The following SGCZ variants were observed in gnomAD, a reference collection of about 807,000 sequenced individuals.
The protein encoded by SGCZ is zeta-sarcoglycan.
SGCZ carries 40 observed loss-of-function variants against 41.3 expected under a neutral mutation model. The ratio of observed to expected loss-of-function variants is 0.97; its 90% CI spans 0.75 to 1.26. The LOEUF is 1.26. Among genes scored for constraint, SGCZ ranks in the 50% most tolerant of loss-of-function variants. The probability of loss-of-function intolerance (pLI) is 0.00; values close to 1 mark genes in which losing one functional copy is unlikely to be tolerated. For missense variants in SGCZ, 552 were observed against 369.8 expected, an observed-to-expected ratio of 1.49 and a Z score of -4.04; for synonymous variants, 206 against 137.5, an observed-to-expected ratio of 1.50 and a Z score of -3.49.
chr8:14,573,647 A>G (rs1006674289), intron 1 of SGCZ, among the ~76,000 whole-genome samples: 1 of 152,116 alleles, frequency 6.6e-6, no homozygotes, highest in African/African-American at 2.4e-5. Flanking sequence ...CTGTTCTCTT[A>G]TGGCAGGAGA....
chr8:15,087,238 T>C (rs1173477340), intron 1 of SGCZ, among the ~76,000 whole-genome samples: 1 of 151,940 alleles, frequency 6.6e-6, no homozygotes, highest in Non-Finnish European at 1.5e-5. Context: ...TATAGTAAAG[T>C]TCGACCAAAA....
At chr8:14,131,737 T>C (rs186150341) in intron 5 of SGCZ, among the ~76,000 whole-genome samples, 1 of 152,308 alleles carries the variant, frequency 6.6e-6, no homozygotes, top group East Asian at 1.9e-4. Flanking sequence ...GATAACATTT[T>C]AGTCAGCAAC....
chr8:15,219,287 TA>T (rs1801513374), intron 1 of SGCZ, among the ~76,000 whole-genome samples: 1 of 152,188 alleles, frequency 6.6e-6, no homozygotes, highest in Admixed American at 6.5e-5. Context: ...TTTGTTCACA[TA>T]TATACATATA....
At chr8:14,165,783 G>A (rs1804190277) in intron 4 of SGCZ, among the ~76,000 whole-genome samples, 1 of 152,084 alleles carries the variant, frequency 6.6e-6, no homozygotes, top group South Asian at 2.1e-4. Flanking sequence ...GCTCAAAGCA[G>A]GACATCATCT....
At chr8:14,923,626 A>G (rs1020702637) in intron 1 of SGCZ, among the ~76,000 whole-genome samples, 2 of 152,216 alleles carry the variant, frequency 1.3e-5, no homozygotes, top group African/African-American at 4.8e-5. Flanking sequence ...GGGAATTCAA[A>G]TGCAAAGAAC....
intron 1 of SGCZ, among the ~76,000 whole-genome samples, chr8:14,679,377 C>T (rs1173904136): frequency 6.6e-6 from 1 of 151,656 alleles, no homozygotes; most frequent in African/African-American, 2.4e-5. Flanking sequence ...GCCCTGAAGA[C>T]ATGTTAGTGG....
At chr8:14,600,463 A>G (rs749400686) in intron 1 of SGCZ, among the ~76,000 whole-genome samples, 78 of 152,290 alleles carry the variant, frequency 5.1e-4, no homozygotes, top group Non-Finnish European at 8.4e-4. Flanking sequence ...AGAGGACTGG[A>G]ATCTTTACCC....
intron 1 of SGCZ, among the ~76,000 whole-genome samples, chr8:15,078,228 T>G (rs1011659688): frequency 6.7e-6 from 1 of 149,772 alleles, no homozygotes; most frequent in East Asian, 2.0e-4. Flanking sequence ...TGCCTAATTT[T>G]TCCTGGTCAT....
chr8:14,242,591 G>T (rs1244584193), intron 3 of SGCZ, among the ~76,000 whole-genome samples: 1 of 152,086 alleles, frequency 6.6e-6, no homozygotes, highest in African/African-American at 2.4e-5. Context: ...ACAGATCAGA[G>T]CCTCCCTCTG....
chr8:15,021,750 C>T (rs1328473996), intron 1 of SGCZ, among the ~76,000 whole-genome samples: 1 of 152,122 alleles, frequency 6.6e-6, no homozygotes, highest in African/African-American at 2.4e-5. Flanking sequence ...ACTGCTGAGG[C>T]CTATTCTTTC....
At position 14,181,240 on chromosome 8, in the gene SGCZ, C is replaced by A. The variant is rs184054861; in HGVS notation, c.425-16538G>T. Among the ~76,000 whole-genome samples the A allele has an allele frequency of 3.9e-5, 6 of 152,298 alleles. No homozygotes were observed. The East Asian group carries it at 9.7e-4, about 25-fold the overall frequency. On this transcript the variant is annotated intron_variant, in intron 4 of 7. Transcript: ENST00000382080. ...GTGGTTATTCTTCCTACCTTGGGAGCTGAAAATATCTTTCTGAATTGGTCT... is the reference window on the plus strand; with the variant it reads ...GTGGTTATTCTTCCTACCTTGGGAGATGAAAATATCTTTCTGAATTGGTCT...
At chr8:14,569,503 A>T (rs150727682) in intron 1 of SGCZ, among the ~76,000 whole-genome samples, 1 of 152,212 alleles carries the variant, frequency 6.6e-6, no homozygotes, top group Non-Finnish European at 1.5e-5. Flanking sequence ...ACAAAAATTA[A>T]CTTAGCATTT....
At chr8:14,257,266 G>C (rs531367932) in intron 3 of SGCZ, among the ~76,000 whole-genome samples, 2 of 151,950 alleles carry the variant, frequency 1.3e-5, no homozygotes, top group East Asian at 1.9e-4. Flanking sequence ...AGGAGGTTGA[G>C]GCTGCAGTGA....
chr8:14,425,210 T>C lies in SGCZ; in HGVS notation c.235-101006A>G, dbSNP rs75622998. Reference sequence around the variant, plus strand: ...GGGATGCCAAGAAATCGAATCAGAGTTACAGTTCAGGGTTTCTCACTACCA... The same window carrying C: ...GGGATGCCAAGAAATCGAATCAGAGCTACAGTTCAGGGTTTCTCACTACCA... On this transcript the variant is annotated intron_variant, in intron 2 of 7. Transcript: ENST00000382080. 2.1e-3 allele frequency among the ~76,000 whole-genome samples: 320 copies of C among 152,220 alleles called. 1 individual carries two copies. Among genetic ancestry groups the C allele is most frequent in the African/African-American group, 6.7e-3 (277 of 41,536 alleles).
intron 1 of SGCZ, among the ~76,000 whole-genome samples, chr8:14,842,332 G>A (rs1355240344): frequency 6.6e-6 from 1 of 151,598 alleles, no homozygotes; most frequent in Admixed American, 6.6e-5. Flanking sequence ...AATGTCATAG[G>A]CAGGAGAGAA....
intron 1 of SGCZ, among the ~76,000 whole-genome samples, chr8:15,078,244 A>G (rs1019914651): frequency 8.2e-5 from 12 of 146,824 alleles, no homozygotes; most frequent in Non-Finnish European, 1.8e-4. Flanking sequence ...GTCATGAGAC[A>G]AGAACCCAGA....
intron 2 of SGCZ, among the ~76,000 whole-genome samples, chr8:14,398,330 C>T (rs1798976028): frequency 1.3e-5 from 2 of 152,142 alleles, no homozygotes; most frequent in South Asian, 4.1e-4. Flanking sequence ...TAAAGCTATA[C>T]ACCTTGAAGG....
intron 2 of SGCZ, among the ~76,000 whole-genome samples, chr8:14,405,562 T>C (rs1375027013): frequency 6.6e-6 from 1 of 152,052 alleles, no homozygotes; most frequent in African/African-American, 2.4e-5. Context: ...ATGCCAAGAA[T>C]TATGCTTGCC....
intron 3 of SGCZ, among the ~76,000 whole-genome samples, chr8:14,261,439 G>T (rs1799662720): frequency 6.6e-6 from 1 of 152,096 alleles, no homozygotes; most frequent in African/African-American, 2.4e-5. Flanking sequence ...ATATTTCCTT[G>T]CAGGTCGAGG....
Sources: gnomAD v4.1 joint callset for allele counts (sites outside exome capture counted in the v4.1 genomes callset) on GRCh38, gnomAD v4.1.1 for gene constraint, MANE v1.5 for transcripts, NCBI Gene and HGNC (gene_info 2026-07-23, HGNC 2026-07-21) for gene names.